The following GTF3A variants were observed in gnomAD, a reference collection of about 807,000 sequenced individuals.
The protein encoded by GTF3A is general transcription factor IIIA, also known as transcription factor IIIA.
Under a neutral mutation model 37.6 loss-of-function variants are expected in GTF3A, and 40 were observed. The observed-to-expected ratio is 1.06, with a 90% CI of 0.83 to 1.38. The LOEUF (loss-of-function observed/expected upper bound fraction) is 1.38, where lower values mean the gene tolerates loss of function less well. Ranked by LOEUF, GTF3A falls within the 40% of genes most tolerant of loss-of-function variation. The pLI is 0.00. For synonymous variants in GTF3A, 191 were observed against 166.7 expected (o/e 1.15, Z -1.12); for missense variants, 500 against 462.6 (o/e 1.08, Z -0.74).
chr13:27,435,081 CA>C, intron 7 of GTF3A, 47 bp downstream of exon 7: 1 of 1,559,236 alleles, frequency 6.4e-7, no homozygotes, highest in Non-Finnish European at 8.8e-7. Flanking sequence ...TATGCTTTCA[CA>C]ACATGGTTTT....
chr13:27,427,091 G>A lies in GTF3A; in HGVS notation c.202-1G>A. 1 of 1,522,620 alleles carries A rather than the reference G, an allele frequency of 6.6e-7. No homozygotes were observed. Among genetic ancestry groups the A allele is most frequent in the Non-Finnish European group, 9.1e-7 (1 of 1,097,752 alleles). 94.3% of individuals were successfully genotyped at this position (1,522,620 alleles called of 1,614,324 possible). ...ACATGCTTTTTCTTTTTTCCTGCTA[G>A]AGACCATTTGTTTGTGACTATGAAG... is the stretch of plus-strand genomic sequence containing the variant. On this transcript the variant is annotated splice_acceptor_variant, in intron 1 of 8. Transcript: ENST00000381140. LOFTEE classifies it high-confidence loss of function.
Position 27,427,163 on chromosome 13 carries a change from T to A in GTF3A, c.273T>A (p.Ile91=). ...GGGACTACCATCTGAGCCGCCACAT[T>A]CTGACTCACACAGGAGAAAAGCCGT... is the stretch of plus-strand genomic sequence containing the variant. Residue 91 remains isoleucine, a synonymous_variant, in exon 2 of 9, where the codon ATT becomes ATA. Coordinates refer to ENST00000381140, the MANE Select transcript of GTF3A (RefSeq NM_002097.3). The A allele has an allele frequency of 6.2e-7, 1 of 1,602,566 alleles. No individual in the cohort carries two copies. Among genetic ancestry groups the A allele is most frequent in the Non-Finnish European group, 8.5e-7 (1 of 1,170,402 alleles).
chr13:27,430,015 C>A, intron 3 of GTF3A, 49 bp downstream of exon 3: 1 of 989,018 alleles, frequency 1.0e-6, no homozygotes, highest in Non-Finnish European at 1.5e-6. Flanking sequence ...TTTACACTTA[C>A]TGCCTATGTT....
chr13:27,434,282 CT>C (rs1953687634), intron 6 of GTF3A, 63 bp downstream of exon 6: 1 of 784,800 alleles, frequency 1.3e-6, no homozygotes, highest in Admixed American at 1.8e-5. Context: ...TGATTTAGTG[CT>C]TTTCAAGAGT....
chr13:27,433,527 CAAAA>C lies in GTF3A; in HGVS notation c.563-606_563-603del, dbSNP rs71657128. On this transcript the variant is annotated intron_variant, in intron 5 of 8. Coordinates refer to ENST00000381140, the MANE Select transcript of GTF3A (RefSeq NM_002097.3). Reference sequence around the variant, plus strand: ...GCTGTACTCTTTTAAAAAAAAAAAACAAAAAAAAACTTTTTTTTTTTTTTTTGTG... The same window carrying C: ...GCTGTACTCTTTTAAAAAAAAAAAACAAAAACTTTTTTTTTTTTTTTTGTG... 2.1e-3 allele frequency among the ~76,000 whole-genome samples: 242 copies of C among 116,812 alleles called. 1 individual carries two copies. The highest frequency in any genetic ancestry group is 7.8e-3 in the African/African-American group (233 of 30,058). 76.6% of individuals were successfully genotyped at this position (116,812 alleles called of 152,430 possible).
intron 2 of GTF3A, among the ~76,000 whole-genome samples, chr13:27,428,951 T>C (rs1260396409): frequency 2.0e-5 from 3 of 151,882 alleles, no homozygotes; most frequent in Non-Finnish European, 4.4e-5. Flanking sequence ...TTTGTGGGGG[T>C]TGAGCAGGAT....
At chr13:27,431,583 G>A (rs1046049267) in intron 4 of GTF3A, among the ~76,000 whole-genome samples, 3 of 151,846 alleles carry the variant, frequency 2.0e-5, no homozygotes, top group Admixed American at 1.3e-4. Context: ...ACTAAACTAT[G>A]AGGACAAAAA....
Position 27,424,736 on chromosome 13 carries a change from C to A in GTF3A, c.-2C>A. The A allele has an allele frequency of 1.4e-6, 2 of 1,457,670 alleles. No individual in the cohort carries two copies. Among genetic ancestry groups the A allele is most frequent in the East Asian group, 2.9e-5 (1 of 34,922 alleles). The allele number at this position is 1,457,670 out of a possible 1,614,324, so 90.3% of individuals were successfully genotyped here. On this transcript the variant is annotated 5_prime_UTR_variant, in exon 1 of 9. Transcript: ENST00000381140. ...GGCCCTGGGCTTGGAGGCGCCGGCG[C>A]CCTGGATCCGCCGGCCGTGGTCGCC...
Position 27,430,562 on chromosome 13 carries a change from T to TA in GTF3A, c.431dup (p.Lys145GlufsTer15). Reference sequence around the variant, plus strand: ...GTTTTGAAGACTGTAAGAAGACCTTTAAGAAACATCAGCAGCTGAAAATCC... The same window carrying TA: ...GTTTTGAAGACTGTAAGAAGACCTTTAAAGAAACATCAGCAGCTGAAAATCC... On this transcript the variant is annotated frameshift_variant, in exon 4 of 9. Transcript: ENST00000381140. LOFTEE classifies it high-confidence loss of function. The TA allele has an allele frequency of 6.2e-7, 1 of 1,612,096 alleles. No individual in the cohort carries two copies. Among genetic ancestry groups the TA allele is most frequent in the Non-Finnish European group, 8.5e-7 (1 of 1,178,392 alleles).
At chr13:27,430,458 C>T (rs2138024775) in intron 3 of GTF3A, 75 bp from the exon 4 acceptor site, 2 of 882,988 alleles carry the variant, frequency 2.3e-6, no homozygotes, top group Non-Finnish European at 1.8e-6. Flanking sequence ...ATTGTTTTAT[C>T]TTGAGGATTC....
chr13:27,431,100 T>G (rs1953653274), intron 4 of GTF3A, among the ~76,000 whole-genome samples: 1 of 152,220 alleles, frequency 6.6e-6, no homozygotes, highest in South Asian at 2.1e-4. Context: ...GAGATAGGGA[T>G]CCAGTTTTTC....
Position 27,435,516 on chromosome 13 carries a change from A to T in GTF3A, c.1017A>T (p.Leu339Phe), listed in dbSNP as rs1471519810. The T allele has an allele frequency of 5.0e-6, 8 of 1,613,294 alleles. No homozygotes were observed. The highest frequency in any genetic ancestry group is 6.8e-6 in the Non-Finnish European group (8 of 1,179,432). Residue 339 changes from leucine to phenylalanine, a missense_variant, in exon 9 of 9, where the codon TTA (leucine) becomes TTT (phenylalanine). By Grantham distance (22) the Leu-to-Phe change is conservative. Transcript: ENST00000381140. ...CCAAAAGGAAACAAGGGCAAGGCTT[A>T]TCTTTGTGTCAAAACGGAGAGTCAC... is the stretch of plus-strand genomic sequence containing the variant.
In GTF3A at chr13:27,427,155, C is replaced by T. The variant is rs551663231; in HGVS notation, c.265C>T (p.Arg89Cys). 281 of 1,605,256 alleles carry T rather than the reference C, an allele frequency of 1.8e-4. 3 individuals carry two copies. The Middle Eastern group carries it at 2.6e-3, about 15-fold the overall frequency. Residue 89 changes from arginine (R) to cysteine (C), a missense_variant, in exon 2 of 9, where the codon CGC (arginine) becomes TGC (cysteine). Coordinates refer to ENST00000381140, the MANE Select transcript of GTF3A (RefSeq NM_002097.3). The stretch of plus-strand genomic sequence containing the variant: ...CTTCATCAGGGACTACCATCTGAGC[C>T]GCCACATTCTGACTCACACAGGAGA...
rs1392339201 is a variant in GTF3A, at chr13:27,429,965, TAGTA to T, written c.399+4_399+7del. On this transcript the variant is annotated splice_donor_variant and splice_donor_region_variant and coding_sequence_variant and intron_variant, in exon 3 of 9. Transcript: ENST00000381140. LOFTEE classifies it high-confidence loss of function. ...CATGAAAATCAACAAAAACAATATA[TAGTA>T]AGTATGATTTTATATGCTTAAATTT... 1.4e-6 allele frequency: 2 copies of T among 1,446,536 alleles called. No individual in the cohort carries two copies. Among genetic ancestry groups the T allele is most frequent in the East Asian group, 2.5e-5 (1 of 39,848 alleles). The allele number at this position is 1,446,536 out of a possible 1,614,324, so 89.6% of individuals were successfully genotyped here. A position where few individuals can be genotyped will look rare whatever the true frequency, so the allele number is the denominator to read the frequency against.
chr13:27,435,556 G>T lies in GTF3A; in HGVS notation c.1057G>T (p.Asp353Tyr). The T allele has an allele frequency of 1.9e-6, 3 of 1,613,718 alleles. No homozygotes were observed. In the South Asian group the frequency reaches 3.3e-5, roughly 18 times the overall value. ...CGGAGAGTCACCCAACTGTGTGGAA[G>T]ACAAGATGCTCTCGACAGTTGCAGT... Residue 353 changes from aspartate to tyrosine, a missense_variant, in exon 9 of 9, where the codon GAC (aspartate) becomes TAC (tyrosine). Transcript: ENST00000381140.
chr13:27,427,423 A>G (rs1214718440), intron 2 of GTF3A, among the ~76,000 whole-genome samples: 1 of 152,160 alleles, frequency 6.6e-6, no homozygotes, highest in Non-Finnish European at 1.5e-5. Flanking sequence ...ACAAAAATAC[A>G]AAAATTAGTC....
Position 27,430,269 on chromosome 13 carries a change from A to G in GTF3A, c.400-264A>G, listed in dbSNP as rs537754293. ...GTCTGAATTTACTTAATGCCATCAT[A>G]ATGATAAAGGTTTTAATTTGGAAGC... On this transcript the variant is annotated intron_variant, in intron 3 of 8. Coordinates refer to ENST00000381140, the MANE Select transcript of GTF3A (RefSeq NM_002097.3). Among the ~76,000 whole-genome samples the G allele has an allele frequency of 1.8e-4, 28 of 152,352 alleles. No homozygotes were observed. In the South Asian group the frequency reaches 5.8e-3, roughly 32 times the overall value.
chr13:27,425,176 G>T, intron 1 of GTF3A: 1 of 472,574 alleles, frequency 2.1e-6, no homozygotes. Flanking sequence ...GTGAGTCTCG[G>T]CCAGCCAAGT....
At chr13:27,431,185 G>GT (rs1593179074) in intron 4 of GTF3A, among the ~76,000 whole-genome samples, 1 of 147,312 alleles carries the variant, frequency 6.8e-6, no homozygotes, top group African/African-American at 2.7e-5. Context: ...TCGGGTGGCT[G>GT]TAAGTATTTG....
Sources: gnomAD v4.1 joint callset for allele counts (sites outside exome capture counted in the v4.1 genomes callset) on GRCh38, gnomAD v4.1.1 for gene constraint, MANE v1.5 for transcripts, NCBI Gene and HGNC (gene_info 2026-07-23, HGNC 2026-07-21) for gene names.